Variants in M1AP observed in about 807,000 individuals in gnomAD.
M1AP encodes the protein meiosis 1 arrest protein.
Under a neutral mutation model 51.2 loss-of-function variants are expected in M1AP, and 39 were observed. That is an observed-to-expected ratio of 0.76 (90% CI 0.59 to 1.00). The LOEUF is 1.00. Among genes scored for constraint, M1AP ranks in the 50% least tolerant of loss-of-function variants. The pLI is 0.00. For synonymous variants in M1AP, 251 were observed against 249.2 expected (o/e 1.01, Z -0.07); for missense variants, 545 against 641.2 (o/e 0.85, Z 1.62).
At chr2:74,570,633 G>C (rs933754530) in intron 7 of M1AP, among the ~76,000 whole-genome samples, 2 of 152,206 alleles carry the variant, frequency 1.3e-5, no homozygotes, top group Admixed American at 6.5e-5. Flanking sequence ...GGATAGGGTA[G>C]GATTTGAACA....
At chr2:74,573,500 G>A (rs549868812) in intron 7 of M1AP, among the ~76,000 whole-genome samples, 11 of 151,748 alleles carry the variant, frequency 7.2e-5, no homozygotes, top group East Asian at 5.8e-4. Context: ...TTAGAGGTGC[G>A]TGCCACTATG....
chr2:74,645,079 AAT>A, intron 1 of M1AP, among the ~76,000 whole-genome samples: 1 of 152,150 alleles, frequency 6.6e-6, no homozygotes, highest in Non-Finnish European at 1.5e-5. Context: ...TATGAGCTGT[AAT>A]ACTCACCGTG....
chr2:74,577,826 G>A, intron 5 of M1AP, among the ~76,000 whole-genome samples: 1 of 152,160 alleles, frequency 6.6e-6, no homozygotes. Flanking sequence ...GGACAGCTGT[G>A]TTCATCTGGC....
intron 2 of M1AP, among the ~76,000 whole-genome samples, chr2:74,629,731 G>C (rs924792157): frequency 6.6e-6 from 1 of 151,396 alleles, no homozygotes; most frequent in African/African-American, 2.4e-5. Context: ...TAGCCCGGGC[G>C]GCAGAGCAAG....
At chr2:74,643,273 A>G (rs536468375) in intron 1 of M1AP, among the ~76,000 whole-genome samples, 1 of 152,342 alleles carries the variant, frequency 6.6e-6, no homozygotes, top group South Asian at 2.1e-4. Context: ...AAATCATAGT[A>G]TATTTCCACA....
At chr2:74,579,816 C>T (rs958256082) in intron 5 of M1AP, among the ~76,000 whole-genome samples, 2 of 151,836 alleles carry the variant, frequency 1.3e-5, no homozygotes, top group Admixed American at 6.6e-5. Flanking sequence ...TTATTAAAAA[C>T]ATTTTTTTAG....
intron 1 of M1AP, among the ~76,000 whole-genome samples, chr2:74,642,560 A>C (rs1249884088): frequency 1.3e-5 from 2 of 152,226 alleles, no homozygotes; most frequent in Non-Finnish European, 2.9e-5. Context: ...ATGTAAGACA[A>C]GGAGCATGCT....
intron 4 of M1AP, among the ~76,000 whole-genome samples, chr2:74,589,073 C>T (rs777383139): frequency 2.4e-4 from 37 of 152,124 alleles, no homozygotes; most frequent in Non-Finnish European, 4.1e-4. Context: ...TGCACGCGCG[C>T]GCGTGCATGC....
chr2:74,576,169 A>G (rs1204114672), intron 6 of M1AP, among the ~76,000 whole-genome samples: 2 of 152,250 alleles, frequency 1.3e-5, no homozygotes, highest in Non-Finnish European at 2.9e-5. Flanking sequence ...TATTCAATAA[A>G]CATTTACTAA....
chr2:74,598,967 A>T (rs1281793845), intron 4 of M1AP, among the ~76,000 whole-genome samples: 1 of 151,838 alleles, frequency 6.6e-6, no homozygotes, highest in Non-Finnish European at 1.5e-5. Flanking sequence ...ATTTTAATGT[A>T]GTTATACTTA....
At chr2:74,626,742 G>T (rs1185790148) in intron 2 of M1AP, among the ~76,000 whole-genome samples, 1 of 152,090 alleles carries the variant, frequency 6.6e-6, no homozygotes, top group Admixed American at 6.6e-5. Context: ...TTCCCATATG[G>T]CTATCCAGCT....
At chr2:74,613,606 G>A (rs1681495830) in intron 3 of M1AP, among the ~76,000 whole-genome samples, 1 of 152,144 alleles carries the variant, frequency 6.6e-6, no homozygotes, top group Non-Finnish European at 1.5e-5. Flanking sequence ...CTTCTTCCAG[G>A]TCATTTAGAC....
chr2:74,628,656 A>G, intron 2 of M1AP: 2 of 701,970 alleles, frequency 2.8e-6, no homozygotes, highest in South Asian at 2.7e-5. Context: ...ATCTTCATCA[A>G]TGTGACTCCA....
chr2:74,581,950 T>A, intron 4 of M1AP, 103 bp from the exon 5 acceptor site: 2 of 1,020,992 alleles, frequency 2.0e-6, no homozygotes, highest in Non-Finnish European at 2.9e-6. Context: ...GGGGGTCTCA[T>A]TATGTCACCC....
rs560077855 is a variant in M1AP, at chr2:74,602,894, T to C, written c.595+4161A>G. On this transcript the variant is annotated intron_variant, in intron 4 of 10. Coordinates refer to ENST00000421985, the MANE Select transcript of M1AP (RefSeq NM_001321739.2). ...AGCTGTTCTATACAATGCTAGCCAC[T>C]AACTATTCTAAAGAAAGGCATCAGG... Among the ~76,000 whole-genome samples the C allele has an allele frequency of 5.3e-5, 8 of 152,340 alleles. No individual in the cohort carries two copies. In the South Asian group the frequency reaches 1.7e-3, roughly 32 times the overall value.
rs142311295 is a variant in M1AP at position 74,608,286 on chromosome 2, A to G, written c.427-1063T>C. ...CTTGGCAACCATTGATCTTTTTACT[A>G]TATCACCATAGTTTTGCCTTTTCCA... On this transcript the variant is annotated intron_variant, in intron 3 of 10. Transcript: ENST00000421985. Among the ~76,000 whole-genome samples, 385 of 152,284 alleles carry G rather than the reference A, an allele frequency of 2.5e-3. 2 individuals are homozygous for G. The highest frequency in any genetic ancestry group is 8.9e-3 in the African/African-American group (370 of 41,552).
At chr2:74,579,258 G>A (rs1175068149) in intron 5 of M1AP, among the ~76,000 whole-genome samples, 1 of 152,248 alleles carries the variant, frequency 6.6e-6, no homozygotes, top group East Asian at 1.9e-4. Context: ...AGAAAGGCTG[G>A]TTACAGGAGT....
At chr2:74,642,275 C>CAAA (rs144241741) in intron 1 of M1AP, among the ~76,000 whole-genome samples, 56 of 149,392 alleles carry the variant, frequency 3.7e-4, no homozygotes, top group African/African-American at 1.3e-3. Flanking sequence ...TAATAATATA[C>CAAA]AAAAAAAAAC....
chr2:74,644,873 A>T (rs1260289675), intron 1 of M1AP, among the ~76,000 whole-genome samples: 1 of 152,198 alleles, frequency 6.6e-6, no homozygotes, highest in East Asian at 1.9e-4. Context: ...AAATTCACAC[A>T]AACAGGTAGT....
Sources: allele counts gnomAD v4.1 joint callset (sites outside exome capture counted in the v4.1 genomes callset), GRCh38; gene constraint gnomAD v4.1.1; transcripts MANE v1.5; gene names NCBI Gene and HGNC (gene_info 2026-07-23, HGNC 2026-07-21).